Variants in MYO1C observed in about 807,000 individuals in gnomAD.
The protein encoded by MYO1C is unconventional myosin-Ic.
In MYO1C, 104 loss-of-function variants were observed where a neutral mutation model predicts 150.8. The ratio of observed to expected loss-of-function variants is 0.69; its 90% confidence interval spans 0.59 to 0.81. The LOEUF is 0.81. Ranked by LOEUF, MYO1C falls within the 30% of genes least tolerant of loss-of-function variation. MYO1C has a pLI of 0.00. For missense variants in MYO1C, 1,504 were observed against 1,435.0 expected (o/e 1.05, Z -0.78); for synonymous variants, 663 against 579.9 (o/e 1.14, Z -2.06).
At chr17:1,488,151 T>TCCGCTCCGCC (rs1567537904) in intron 1 of MYO1C, among the ~76,000 whole-genome samples, 2 of 145,912 alleles carry the variant, frequency 1.4e-5, no homozygotes, top group African/African-American at 5.0e-5. Context: ...GGCCGCAGTG[T>TCCGCTCCGCC]CCGCCCCGCC....
rs2074136493 is a variant in MYO1C at position 1,464,749 on chromosome 17, C to T, written c.*977G>A. On this transcript the variant is annotated 3_prime_UTR_variant, in exon 32 of 32. Transcript: ENST00000648651. The stretch of plus-strand genomic sequence containing the variant: ...CTCAGCGTCTTCCAACCTCTATGGT[C>T]TAAGACGGCCTTCCCCACTCCAGCA... The T allele has an allele frequency of 6.6e-6, 1 of 152,238 alleles. No individual in the cohort carries two copies. Among genetic ancestry groups the T allele is most frequent in the African/African-American group, 2.4e-5 (1 of 41,348 alleles). The allele number at this position is 152,238 out of a possible 1,614,324, so 9.4% of individuals were successfully genotyped here.
intron 1 of MYO1C, chr17:1,485,744 C>T: frequency 8.9e-7 from 1 of 1,123,820 alleles, no homozygotes; most frequent in Non-Finnish European, 1.1e-6. Context: ...CGCTCCGCTG[C>T]CCGCGCTCCG....
Position 1,482,896 on chromosome 17 carries a change from G to C in MYO1C, c.511C>G (p.Arg171Gly), listed in dbSNP as rs141250212. Reference protein sequence around the residue: ...CPAPERGGAVRDRLLQSNPVL... With the variant: ...CPAPERGGAVGDRLLQSNPVL... ...GGGTTGCTCTGTAGCAGCCGGTCCC[G>C]CACGGCACCTCCGCGCTCGGGGGCT... The change falls in exon 4 of 32, where the codon CGG becomes GGG. Residue 171 changes from arginine (R) to glycine (G), a missense_variant. Transcript: ENST00000648651. 5 of 1,466,360 alleles carry C rather than the reference G, an allele frequency of 3.4e-6. No homozygotes were observed. In the East Asian group the frequency reaches 9.3e-5, roughly 27 times the overall value. 90.8% of individuals were successfully genotyped at this position (1,466,360 alleles called of 1,614,324 possible). A position where few individuals can be genotyped will look rare whatever the true frequency, so the allele number is the denominator to read the frequency against.
intron 16 of MYO1C, 38 bp downstream of exon 16, chr17:1,474,774 T>TCCCCCCCCCCCCCCCGGCCACCC: frequency 6.3e-7 from 1 of 1,597,382 alleles, no homozygotes; most frequent in Non-Finnish European, 8.6e-7. Context: ...CTGTGGGCTA[T>TCCCCCCCCCCCCCCCGGCCACCC]CCCCACCCCC....
In MYO1C at chr17:1,478,093, G is replaced by A. The variant is rs2074437711; in HGVS notation, c.1395C>T (p.Gly465=). The change falls in exon 12 of 32, where the codon GGC becomes GGT. Residue 465 remains glycine (G), a synonymous_variant. Transcript: ENST00000648651. The surrounding 1 kb of genome is among the most constrained non-coding windows in gnomAD (Gnocchi z 6.3). Reference sequence around the variant, plus strand: ...CCCCCAGGCTAGCACACACCGCGATGCCCTCTGCCTCGTACTCCTCCTGCT... The same window carrying A: ...CCCCCAGGCTAGCACACACCGCGATACCCTCTGCCTCGTACTCCTCCTGCT... ...KSEQEEYEAE[G]IAWEPVQYFN... is the part of the protein sequence containing the mutation. The A allele has an allele frequency of 6.2e-7, 1 of 1,614,070 alleles. No individual in the cohort carries two copies. Among genetic ancestry groups the A allele is most frequent in the Non-Finnish European group, 8.5e-7 (1 of 1,180,000 alleles).
chr17:1,485,264 T>C (rs2074628129), intron 1 of MYO1C: 2 of 1,159,504 alleles, frequency 1.7e-6, no homozygotes, highest in Non-Finnish European at 2.2e-6. Context: ...ACACCCAGAG[T>C]ATCCAGGGTC....
rs76826401 is a variant in MYO1C, at chr17:1,478,597, G to T, written c.1212+19C>A. The T allele has an allele frequency of 2.8e-5, 45 of 1,613,874 alleles. No individual in the cohort carries two copies. The Admixed American group carries it at 7.3e-4, about 26-fold the overall frequency. ...GGCCCTCCCTTCTGCCTTGGGAGCA[G>T]TGTGGACCGAGCCCTCACCTTGGAG... On this transcript the variant is annotated intron_variant, in intron 10 of 31. Transcript: ENST00000648651. The surrounding 1 kb of genome is among the most constrained non-coding windows in gnomAD (Gnocchi z 6.3).
chr17:1,483,510 C>G, intron 3 of MYO1C, 100 bp downstream of exon 3: 1 of 847,326 alleles, frequency 1.2e-6, no homozygotes. Flanking sequence ...ACAGATGTGG[C>G]GCGGGACGCC....
In MYO1C at chr17:1,477,939, G is replaced by T; in HGVS notation, c.1434C>A (p.Ile478=). The change falls in exon 13 of 32, where the codon ATC becomes ATA. Residue 478 remains isoleucine (I), a synonymous_variant. Coordinates refer to ENST00000648651, the MANE Select transcript of MYO1C (RefSeq NM_001080779.2). The part of the protein sequence containing the change: ...WEPVQYFNNK[I]ICDLVEEKFK... ...ACTTCTCCTCCACCAGATCACAGAT[G>T]ATTTTGTTGTTGAAATACTGGACGG... 4 of 1,614,154 alleles carry T rather than the reference G, an allele frequency of 2.5e-6. No individual in the cohort carries two copies. Among genetic ancestry groups the T allele is most frequent in the Non-Finnish European group, 3.4e-6 (4 of 1,180,020 alleles).
chr17:1,468,428 G>A lies in MYO1C; in HGVS notation c.2679C>T (p.Pro893=). 1.2e-6 allele frequency: 2 copies of A among 1,614,080 alleles called. No homozygotes were observed. Among genetic ancestry groups the A allele is most frequent in the African/African-American group, 1.3e-5 (1 of 75,028 alleles). Residue 893 remains proline (P), a synonymous_variant, in exon 26 of 32, where the codon CCC becomes CCT. Coordinates refer to ENST00000648651, the MANE Select transcript of MYO1C (RefSeq NM_001080779.2). ...CAAGCCGAGTGCTGATGAAGAGCCTGGGTACACTCTGAGGGTAATTATCCT... is the reference window on the plus strand; with the variant it reads ...CAAGCCGAGTGCTGATGAAGAGCCTAGGTACACTCTGAGGGTAATTATCCT... ...GKKDNYPQSV[P]RLFISTRLGT...
Position 1,482,578 on chromosome 17 carries a change from T to C in MYO1C, c.547-20A>G. On this transcript the variant is annotated intron_variant, in intron 4 of 31. Coordinates refer to ENST00000648651, the MANE Select transcript of MYO1C (RefSeq NM_001080779.2). Reference sequence around the variant, plus strand: ...AAAGGCCTAGGAGTGGACAGGGGTATGAGGGACACCTGGCACTCTCCCCCT... The same window carrying C: ...AAAGGCCTAGGAGTGGACAGGGGTACGAGGGACACCTGGCACTCTCCCCCT... 5 of 1,606,608 alleles carry C rather than the reference T, an allele frequency of 3.1e-6. No homozygotes were observed. The highest frequency in any genetic ancestry group is 4.3e-6 in the Non-Finnish European group (5 of 1,173,934).
intron 1 of MYO1C, 110 bp from the exon 2 acceptor site, chr17:1,484,413 C>G: frequency 7.5e-7 from 1 of 1,334,850 alleles, no homozygotes; most frequent in Non-Finnish European, 1.0e-6. Context: ...GGACTCCGGG[C>G]TAGACACGGG....
At position 1,472,777 on chromosome 17, in the gene MYO1C, C is replaced by A. The variant is rs903159809; in HGVS notation, c.1798-549G>T. On this transcript the variant is annotated intron_variant, in intron 17 of 31. Coordinates refer to ENST00000648651, the MANE Select transcript of MYO1C (RefSeq NM_001080779.2). ...ACCAGGTGACGTCTTCTGGAAATGA[C>A]GCTCTGCTGAGCTTTAAAGGATAAG... Among the ~76,000 whole-genome samples, 14 of 150,144 alleles carry A rather than the reference C, an allele frequency of 9.3e-5. 1 individual carries two copies. The highest frequency in any genetic ancestry group is 3.5e-4 in the African/African-American group (14 of 39,536).
chr17:1,492,387 T>C, intron 1 of MYO1C, 26 bp downstream of exon 1: 1 of 1,584,944 alleles, frequency 6.3e-7, no homozygotes, highest in Non-Finnish European at 8.6e-7. Flanking sequence ...CCCACCCTCC[T>C]CCCAGCCCAG....
At chr17:1,484,724 C>T (rs895330841) in intron 1 of MYO1C, 8 of 369,798 alleles carry the variant, frequency 2.2e-5, no homozygotes, top group Middle Eastern at 9.4e-4. Flanking sequence ...GACCAATCCC[C>T]TCCTCTCTCT....
At chr17:1,467,114 A>C in intron 31 of MYO1C, 128 bp downstream of exon 31, 1 of 883,834 alleles carries the variant, frequency 1.1e-6, no homozygotes, top group Non-Finnish European at 1.8e-6. Flanking sequence ...GGGCCAAGGG[A>C]TGGAAGAGGT....
chr17:1,472,307 C>T (rs1408519298), intron 17 of MYO1C, 79 bp from the exon 18 acceptor site: 18 of 1,292,454 alleles, frequency 1.4e-5, no homozygotes, highest in Non-Finnish European at 2.0e-5. Context: ...CCCCACTCCC[C>T]TGGCTGGTGA....
Position 1,482,963 on chromosome 17 carries a change from C to G in MYO1C, c.444G>C (p.Glu148Asp). 1 of 1,612,534 alleles carries G rather than the reference C, an allele frequency of 6.2e-7. No homozygotes were observed. The highest frequency in any genetic ancestry group is 8.5e-7 in the Non-Finnish European group (1 of 1,179,924). Reference sequence around the variant, plus strand: ...AGAACTGCAGCAGCCTCTTGGTGGCCTCGGTCTTGCCTGCCCCGCTCTCCC... The same window carrying G: ...AGAACTGCAGCAGCCTCTTGGTGGCGTCGGTCTTGCCTGCCCCGCTCTCCC... ...ISGESGAGKT[E>D]ATKRLLQFYA... Residue 148 changes from glutamate to aspartate, a missense_variant, in exon 4 of 32, where the codon GAG becomes GAC. Transcript: ENST00000648651.
intron 25 of MYO1C, 74 bp from the exon 26 acceptor site, chr17:1,468,570 G>A (rs2074231751): frequency 4.0e-6 from 5 of 1,249,354 alleles, no homozygotes; most frequent in South Asian, 2.4e-5. Flanking sequence ...CCAGCCTTAG[G>A]ACCTGAGACA....
Sources: allele counts gnomAD v4.1 joint callset (sites outside exome capture counted in the v4.1 genomes callset), GRCh38; gene constraint gnomAD v4.1.1; non-coding constraint Gnocchi (gnomAD v3.1); transcripts MANE v1.5; gene names NCBI Gene and HGNC (gene_info 2026-07-23, HGNC 2026-07-21).